Variants in CDH12 observed in about 807,000 individuals in gnomAD.
CDH12 encodes cadherin-12.
Under a neutral mutation model 74.1 loss-of-function variants are expected in CDH12, and 41 were observed. The observed-to-expected ratio is 0.55, with a 90% CI of 0.43 to 0.72. The LOEUF is 0.72. Ranked by LOEUF, CDH12 falls within the 30% of genes least tolerant of loss-of-function variation. CDH12 has a pLI of 0.00. For missense variants in CDH12, 945 were observed against 977.2 expected, an observed-to-expected ratio of 0.97 and a Z score of 0.44; for synonymous variants, 399 against 355.0, an observed-to-expected ratio of 1.12 and a Z score of -1.39.
At chr5:22,524,290 T>A (rs908515893) in intron 1 of CDH12, among the ~76,000 whole-genome samples, 23 of 152,176 alleles carry the variant, frequency 1.5e-4, no homozygotes, top group South Asian at 6.2e-4. Context: ...CCTGGCCTCA[T>A]TTATAATTTT....
intron 4 of CDH12, among the ~76,000 whole-genome samples, chr5:22,103,928 T>C (rs1036394703): frequency 3.3e-5 from 5 of 152,170 alleles, no homozygotes; most frequent in Non-Finnish European, 7.3e-5. Flanking sequence ...TAAACATAAA[T>C]TTGTCAAGGT....
intron 4 of CDH12, among the ~76,000 whole-genome samples, chr5:22,163,999 T>A (rs1748516329): frequency 1.3e-5 from 2 of 152,240 alleles, no homozygotes; most frequent in Non-Finnish European, 2.9e-5. Flanking sequence ...TCAGGAAGTA[T>A]GTCCCATGAA....
At chr5:22,820,066 A>C (rs911375546) in intron 1 of CDH12, among the ~76,000 whole-genome samples, 12 of 144,586 alleles carry the variant, frequency 8.3e-5, no homozygotes, top group African/African-American at 1.3e-4. Context: ...GAGACCTAAA[A>C]GGCAGTGGGT....
At chr5:21,976,863 A>G (rs1757092715) in intron 5 of CDH12, among the ~76,000 whole-genome samples, 1 of 152,094 alleles carries the variant, frequency 6.6e-6, no homozygotes, top group Non-Finnish European at 1.5e-5. Flanking sequence ...ATTTTAAATT[A>G]TATAAATATC....
At chr5:22,378,044 G>A (rs1471846944) in intron 3 of CDH12, among the ~76,000 whole-genome samples, 3 of 152,014 alleles carry the variant, frequency 2.0e-5, no homozygotes, top group African/African-American at 4.8e-5. Context: ...ATAATAACGT[G>A]TTTTTTTCCT....
At chr5:21,884,099 T>C (rs1327020223) in intron 6 of CDH12, 32 of 1,448,096 alleles carry the variant, frequency 2.2e-5, no homozygotes, top group South Asian at 1.0e-4. Context: ...AAGTTGGTTA[T>C]GATGCTATGG....
intron 11 of CDH12, among the ~76,000 whole-genome samples, chr5:21,770,049 C>G (rs936196816): frequency 1.3e-5 from 2 of 152,170 alleles, no homozygotes; most frequent in Non-Finnish European, 2.9e-5. Flanking sequence ...TGCCTGAAAT[C>G]TACCAACATA....
At chr5:22,649,998 G>A (rs1739648465) in intron 1 of CDH12, among the ~76,000 whole-genome samples, 1 of 151,862 alleles carries the variant, frequency 6.6e-6, no homozygotes, top group African/African-American at 2.4e-5. Context: ...GTGCACATGT[G>A]CATGGGTGTC....
At chr5:22,675,299 G>T (rs1741105809) in intron 1 of CDH12, among the ~76,000 whole-genome samples, 1 of 152,188 alleles carries the variant, frequency 6.6e-6, no homozygotes, top group African/African-American at 2.4e-5. Flanking sequence ...GCTTCAGAGG[G>T]TGGAAGCCCC....
chr5:22,160,189 T>G lies in CDH12; in HGVS notation c.-187+52309A>C, dbSNP rs563675387. Among the ~76,000 whole-genome samples the G allele has an allele frequency of 2.4e-3, 367 of 152,302 alleles. 1 individual carries two copies. The highest frequency in any genetic ancestry group is 8.4e-3 in the African/African-American group (349 of 41,552). ...CCATACAGTTGAGATTGAAAATAGA[T>G]TCAGTCTGGCAGAAAAATGTCCACA... On this transcript the variant is annotated intron_variant, in intron 4 of 14. Transcript: ENST00000382254.
intron 10 of CDH12, among the ~76,000 whole-genome samples, chr5:21,784,803 G>A (rs1333647456): frequency 6.6e-6 from 1 of 152,154 alleles, no homozygotes; most frequent in African/African-American, 2.4e-5. Flanking sequence ...ATTTGAAACT[G>A]TAGCAGTTTG....
chr5:22,094,063 A>G (rs771683168), intron 4 of CDH12, among the ~76,000 whole-genome samples: 6 of 152,220 alleles, frequency 3.9e-5, no homozygotes, highest in Non-Finnish European at 8.8e-5. Context: ...AAAGTTTTAT[A>G]GAAACCATCT....
At chr5:22,334,898 A>G (rs940701288) in intron 3 of CDH12, among the ~76,000 whole-genome samples, 5 of 152,206 alleles carry the variant, frequency 3.3e-5, no homozygotes, top group Admixed American at 1.3e-4. Flanking sequence ...AAAATACTAT[A>G]AGAAAACATG....
At chr5:22,332,946 C>A (rs964131496) in intron 3 of CDH12, among the ~76,000 whole-genome samples, 2 of 152,102 alleles carry the variant, frequency 1.3e-5, no homozygotes, top group Admixed American at 6.5e-5. Flanking sequence ...TATCATTTGA[C>A]CCAGCAATCT....
At chr5:22,240,062 T>A (rs1218485281) in intron 3 of CDH12, among the ~76,000 whole-genome samples, 1 of 152,186 alleles carries the variant, frequency 6.6e-6, no homozygotes, top group African/African-American at 2.4e-5. Flanking sequence ...ATTTTATAGA[T>A]AGTTATATGT....
chr5:22,359,581 T>C (rs1178294129), intron 3 of CDH12, among the ~76,000 whole-genome samples: 1 of 152,192 alleles, frequency 6.6e-6, no homozygotes, highest in Non-Finnish European at 1.5e-5. Context: ...CAAGTGGACC[T>C]AATAGACATC....
chr5:22,819,667 G>A (rs2126470711), intron 1 of CDH12, among the ~76,000 whole-genome samples: 1 of 151,784 alleles, frequency 6.6e-6, no homozygotes, highest in South Asian at 2.1e-4. Flanking sequence ...CCATAAGTGA[G>A]CTAGCACAAG....
chr5:22,194,328 GT>G (rs754082945), intron 4 of CDH12, among the ~76,000 whole-genome samples: 2 of 111,444 alleles, frequency 1.8e-5, no homozygotes, highest in East Asian at 2.8e-4. Flanking sequence ...TTTTTGTTTT[GT>G]TTTTTTTGTT....
chr5:22,512,960 C>T (rs921663047), intron 1 of CDH12, among the ~76,000 whole-genome samples: 8 of 152,056 alleles, frequency 5.3e-5, no homozygotes, highest in Admixed American at 5.2e-4. Context: ...AGGGTTGAAC[C>T]CAGGAGGCGG....
Sources: allele counts gnomAD v4.1 joint callset (sites outside exome capture counted in the v4.1 genomes callset), GRCh38; gene constraint gnomAD v4.1.1; transcripts MANE v1.5; gene names NCBI Gene and HGNC (gene_info 2026-07-23, HGNC 2026-07-21).